Variants in CTNND2 observed in about 807,000 individuals in gnomAD.
The protein encoded by CTNND2 is catenin delta-2.
In CTNND2, 22 loss-of-function variants were observed where a neutral mutation model predicts 144.4. The ratio of observed to expected loss-of-function variants is 0.15; its 90% CI spans 0.11 to 0.22. The LOEUF is 0.22. Ranked by LOEUF, CTNND2 falls within the 10% of genes least tolerant of loss-of-function variation. The pLI is 1.00. For synonymous variants in CTNND2, 751 were observed against 695.6 expected (o/e 1.08, Z -1.25); for missense variants, 1,353 against 1,618.8 (o/e 0.84, Z 2.82).
intron 11 of CTNND2, among the ~76,000 whole-genome samples, chr5:11,161,722 C>T (rs187873540): frequency 9.2e-5 from 14 of 152,048 alleles, no homozygotes; most frequent in African/African-American, 2.2e-4. Flanking sequence ...GTATACAATG[C>T]GAAAATATAG....
At chr5:11,479,761 CT>C (rs80069422) in intron 3 of CTNND2, among the ~76,000 whole-genome samples, 18,146 of 146,922 alleles carry the variant, frequency 0.12, 1,098 homozygotes, top group Middle Eastern at 0.27. Flanking sequence ...TGATACTGAG[CT>C]TTTTTTTTTT....
chr5:11,000,952 T>A (rs776173023), intron 18 of CTNND2, among the ~76,000 whole-genome samples: 7 of 152,248 alleles, frequency 4.6e-5, no homozygotes, highest in Non-Finnish European at 7.3e-5. Context: ...TTGGGGTTTC[T>A]TTGCATAGGT....
At chr5:11,720,785 G>A (rs1376191374) in intron 2 of CTNND2, among the ~76,000 whole-genome samples, 1 of 152,162 alleles carries the variant, frequency 6.6e-6, no homozygotes, top group Non-Finnish European at 1.5e-5. Flanking sequence ...TGGTCTAGCA[G>A]TTCATTTCAG....
intron 6 of CTNND2, among the ~76,000 whole-genome samples, chr5:11,393,106 T>C (rs1233293907): frequency 2.0e-5 from 3 of 152,204 alleles, no homozygotes; most frequent in South Asian, 2.1e-4. Context: ...CTTATGATTA[T>C]GATATAGCAT....
chr5:11,717,503 G>A (rs897764906), intron 2 of CTNND2, among the ~76,000 whole-genome samples: 1 of 151,658 alleles, frequency 6.6e-6, no homozygotes, highest in Non-Finnish European at 1.5e-5. Context: ...CTAGAACCCT[G>A]GGGGCAGAGG....
Position 11,899,725 on chromosome 5 carries a change from C to T in CTNND2, c.37+4092G>A, listed in dbSNP as rs368032808. Among the ~76,000 whole-genome samples, 9 of 152,308 alleles carry T rather than the reference C, an allele frequency of 5.9e-5. No individual in the cohort carries two copies. The East Asian group carries it at 1.7e-3, about 29-fold the overall frequency. ...AGCCACTTATCCATGCTCTTACTCA[C>T]TTTATCCTCAAAGAAATCTTTTAAG... On this transcript the variant is annotated intron_variant, in intron 1 of 21. Coordinates refer to ENST00000304623, the MANE Select transcript of CTNND2 (RefSeq NM_001332.4).
At chr5:11,312,487 T>C (rs948796588) in intron 9 of CTNND2, among the ~76,000 whole-genome samples, 3 of 151,992 alleles carry the variant, frequency 2.0e-5, no homozygotes, top group Non-Finnish European at 4.4e-5. Flanking sequence ...ATAAGCCCAT[T>C]AGATCTCATG....
intron 1 of CTNND2, among the ~76,000 whole-genome samples, chr5:11,867,869 A>C (rs938687017): frequency 6.6e-6 from 1 of 151,406 alleles, no homozygotes; most frequent in African/African-American, 2.4e-5. Flanking sequence ...TTTATGAAAA[A>C]CAGAAACAGT....
At chr5:11,612,483 T>G (rs1404735245) in intron 2 of CTNND2, among the ~76,000 whole-genome samples, 3 of 152,210 alleles carry the variant, frequency 2.0e-5, no homozygotes, top group Admixed American at 6.5e-5. Context: ...TCTTCGTTCT[T>G]CATGGTATAC....
intron 1 of CTNND2, among the ~76,000 whole-genome samples, chr5:11,765,754 T>C (rs1396904355): frequency 1.3e-5 from 2 of 152,174 alleles, no homozygotes; most frequent in Non-Finnish European, 2.9e-5. Flanking sequence ...CACAGGCCTT[T>C]TGATAGACAT....
chr5:11,243,881 A>G (rs976523440), intron 9 of CTNND2, among the ~76,000 whole-genome samples: 2 of 152,216 alleles, frequency 1.3e-5, no homozygotes, highest in African/African-American at 4.8e-5. Flanking sequence ...ATTTTCAGCA[A>G]AGCTTTATGG....
At chr5:11,209,270 G>A (rs961394322) in intron 10 of CTNND2, among the ~76,000 whole-genome samples, 1 of 152,156 alleles carries the variant, frequency 6.6e-6, no homozygotes, top group Non-Finnish European at 1.5e-5. Flanking sequence ...AGGAATACAA[G>A]GGAGACATTA....
At chr5:11,168,026 G>A (rs1759523168) in intron 11 of CTNND2, among the ~76,000 whole-genome samples, 1 of 151,848 alleles carries the variant, frequency 6.6e-6, no homozygotes, top group African/African-American at 2.4e-5. Flanking sequence ...TTTTTGATTA[G>A]TTTAAAAAAT....
intron 2 of CTNND2, among the ~76,000 whole-genome samples, chr5:11,583,267 A>G (rs1778578752): frequency 2.0e-5 from 3 of 152,238 alleles, no homozygotes; most frequent in Admixed American, 1.3e-4. Context: ...CAGTGGCTCA[A>G]AAAGTTTCTT....
chr5:11,320,055 C>A (rs1020055470), intron 9 of CTNND2, among the ~76,000 whole-genome samples: 5 of 152,116 alleles, frequency 3.3e-5, no homozygotes, highest in African/African-American at 9.7e-5. Context: ...GAAACGACAC[C>A]CAGCGGTTCT....
At chr5:11,370,386 G>T (rs1757362107) in intron 7 of CTNND2, among the ~76,000 whole-genome samples, 1 of 152,094 alleles carries the variant, frequency 6.6e-6, no homozygotes, top group African/African-American at 2.4e-5. Context: ...CTAATGCTGG[G>T]ATCACACTGT....
At position 11,791,451 on chromosome 5, in the gene CTNND2, A is replaced by G. The variant is rs73049020; in HGVS notation, c.38-59179T>C. ...TGTTCTCAAGTGCACACCAGCTAGA[A>G]CAAATGGAAGGAAATGGCCGAAAGG... On this transcript the variant is annotated intron_variant, in intron 1 of 21. Transcript: ENST00000304623. 3.8e-3 allele frequency among the ~76,000 whole-genome samples: 586 copies of G among 152,348 alleles called. 5 individuals are homozygous for G. The highest frequency in any genetic ancestry group is 0.013 in the African/African-American group (550 of 41,574).
intron 3 of CTNND2, among the ~76,000 whole-genome samples, chr5:11,525,603 C>T (rs988611137): frequency 2.0e-4 from 30 of 152,176 alleles, no homozygotes; most frequent in Non-Finnish European, 3.7e-4. Flanking sequence ...CGTTCATTGT[C>T]CAACACCACA....
At chr5:11,510,549 C>G (rs138204653) in intron 3 of CTNND2, among the ~76,000 whole-genome samples, 1 of 152,266 alleles carries the variant, frequency 6.6e-6, no homozygotes, top group East Asian at 1.9e-4. Context: ...TATTAGGACT[C>G]TCTATAATTA....
Sources: gnomAD v4.1 joint callset for allele counts (sites outside exome capture counted in the v4.1 genomes callset) on GRCh38, gnomAD v4.1.1 for gene constraint, MANE v1.5 for transcripts, NCBI Gene and HGNC (gene_info 2026-07-23, HGNC 2026-07-21) for gene names.